The following PHF5A variants were observed in gnomAD, a reference collection of about 807,000 sequenced individuals.
The protein encoded by PHF5A is PHD finger-like domain-containing protein 5A.
For missense variants in PHF5A, 24 were observed against 140.6 expected, an observed-to-expected ratio of 0.17 and a Z score of 4.19; for synonymous variants, 52 against 46.0, an observed-to-expected ratio of 1.13 and a Z score of -0.52.
At chr22:41,467,725 G>A (rs1198655372) in intron 2 of PHF5A, 111 bp from the exon 3 acceptor site, 1 of 1,251,406 alleles carries the variant, frequency 8.0e-7, no homozygotes, top group Non-Finnish European at 1.1e-6. Context: ...CCTTTTGACA[G>A]TGACTTTAGG....
At chr22:41,460,971 G>A (rs984666013) in intron 3 of PHF5A, among the ~76,000 whole-genome samples, 8 of 152,066 alleles carry the variant, frequency 5.3e-5, no homozygotes, top group Non-Finnish European at 1.2e-4. Flanking sequence ...TCAGAAGTTC[G>A]AGACCAGCCT....
At chr22:41,468,327 T>C (rs765539216) in intron 1 of PHF5A, 180 bp from the exon 2 acceptor site, 3 of 667,332 alleles carry the variant, frequency 4.5e-6, no homozygotes, top group Non-Finnish European at 7.7e-6. Context: ...AGCACCCTCC[T>C]GAATCTCCTC....
intron 3 of PHF5A, among the ~76,000 whole-genome samples, chr22:41,462,176 A>G (rs1464785258): frequency 6.6e-6 from 1 of 152,164 alleles, no homozygotes; most frequent in Non-Finnish European, 1.5e-5. Context: ...TTATATAGAA[A>G]TGATGACTCC....
At chr22:41,460,635 G>A (rs755857495) in intron 3 of PHF5A, 148 bp from the exon 4 acceptor site, 41 of 506,498 alleles carry the variant, frequency 8.1e-5, no homozygotes, top group Non-Finnish European at 1.2e-4. Context: ...TGAAGCCCAG[G>A]AGTTCGAGAC....
intron 3 of PHF5A, among the ~76,000 whole-genome samples, chr22:41,466,383 A>G (rs561427366): frequency 1.2e-4 from 18 of 152,346 alleles, no homozygotes; most frequent in Admixed American, 8.5e-4. Context: ...GCAGGTCCAC[A>G]ATCATTTCTG....
intron 3 of PHF5A, among the ~76,000 whole-genome samples, chr22:41,461,448 C>T (rs1318005537): frequency 2.7e-5 from 4 of 150,168 alleles, no homozygotes; most frequent in Admixed American, 1.3e-4. Context: ...AGTGCAGTGG[C>T]GCGATCTCGG....
chr22:41,467,991 C>T, intron 2 of PHF5A, 133 bp downstream of exon 2: 1 of 926,024 alleles, frequency 1.1e-6, no homozygotes, highest in South Asian at 1.5e-5. Flanking sequence ...GGGCCTTTGG[C>T]TAAAGTGCAG....
At chr22:41,468,509 A>T in intron 1 of PHF5A, 93 bp downstream of exon 1, 1 of 1,405,238 alleles carries the variant, frequency 7.1e-7, no homozygotes, top group East Asian at 2.3e-5. Context: ...GGCGCCTGCG[A>T]GGCAAGCCCC....
At chr22:41,465,815 G>A (rs2037862130) in intron 3 of PHF5A, among the ~76,000 whole-genome samples, 1 of 152,142 alleles carries the variant, frequency 6.6e-6, no homozygotes, top group Non-Finnish European at 1.5e-5. Context: ...AGGAGGCGGA[G>A]GCTGTGGTGA....
At chr22:41,460,875 T>C (rs1289042400) in intron 3 of PHF5A, among the ~76,000 whole-genome samples, 2 of 151,924 alleles carry the variant, frequency 1.3e-5, no homozygotes, top group South Asian at 2.1e-4. Flanking sequence ...TTAGCACTTA[T>C]GAAAGATCAT....
At chr22:41,466,659 G>A (rs2037868111) in intron 3 of PHF5A, among the ~76,000 whole-genome samples, 1 of 151,986 alleles carries the variant, frequency 6.6e-6, no homozygotes, top group Admixed American at 6.6e-5. Flanking sequence ...AAGTAGCTGC[G>A]ACCACAGGTA....
chr22:41,461,420 GCT>G (rs1328928864), intron 3 of PHF5A, among the ~76,000 whole-genome samples: 1 of 148,602 alleles, frequency 6.7e-6, no homozygotes, highest in African/African-American at 2.5e-5. Flanking sequence ...AAGGAATCTC[GCT>G]CTGTCGCCAG....
intron 3 of PHF5A, 109 bp downstream of exon 3, chr22:41,467,339 G>A: frequency 9.4e-7 from 1 of 1,066,082 alleles, no homozygotes; most frequent in Non-Finnish European, 1.3e-6. Context: ...TTATAACCTA[G>A]ATGACTAGAT....
intron 3 of PHF5A, among the ~76,000 whole-genome samples, chr22:41,463,747 A>AAAGC (rs1555885002): frequency 2.0e-5 from 3 of 150,198 alleles, no homozygotes; most frequent in African/African-American, 7.3e-5. Context: ...AAAAAAAAAA[A>AAAGC]GCCAGGCATG....
At chr22:41,468,237 G>C in intron 1 of PHF5A, 90 bp from the exon 2 acceptor site, 41 of 1,299,494 alleles carry the variant, frequency 3.2e-5, no homozygotes, top group Non-Finnish European at 4.4e-5. Flanking sequence ...GTAGGGACAT[G>C]AGTAAGGACT....
intron 3 of PHF5A, among the ~76,000 whole-genome samples, chr22:41,464,750 G>A (rs1411624266): frequency 6.6e-6 from 1 of 152,198 alleles, no homozygotes; most frequent in Non-Finnish European, 1.5e-5. Flanking sequence ...CAGATATCCT[G>A]TATCTAGTTT....
At chr22:41,465,969 A>T (rs1469633876) in intron 3 of PHF5A, among the ~76,000 whole-genome samples, 1 of 152,242 alleles carries the variant, frequency 6.6e-6, no homozygotes, top group Admixed American at 6.5e-5. Flanking sequence ...TGGGCTTGTC[A>T]GAGGAACTAC....
At chr22:41,466,584 C>G (rs550627014) in intron 3 of PHF5A, among the ~76,000 whole-genome samples, 1 of 152,058 alleles carries the variant, frequency 6.6e-6, no homozygotes, top group Admixed American at 6.6e-5. Context: ...AGTGCAGTGG[C>G]GTGAAAATGG....
Position 41,460,810 on chromosome 22 carries a change from A to G in PHF5A, c.244-323T>C, listed in dbSNP as rs548613806. On this transcript the variant is annotated intron_variant, in intron 3 of 3. Coordinates refer to ENST00000216252, the MANE Select transcript of PHF5A (RefSeq NM_032758.4). ...AATGGGTTTGTAAATGTGTCCAAAC[A>G]CCAGTTATCTCCTTAATTGGGAGGC... Among the ~76,000 whole-genome samples, 5 of 152,254 alleles carry G rather than the reference A, an allele frequency of 3.3e-5. No homozygotes were observed. In the South Asian group the frequency reaches 8.3e-4, roughly 25 times the overall value.
Sources: allele counts gnomAD v4.1 joint callset (sites outside exome capture counted in the v4.1 genomes callset), GRCh38; gene constraint gnomAD v4.1.1; transcripts MANE v1.5; gene names NCBI Gene and HGNC (gene_info 2026-07-23, HGNC 2026-07-21).